The following MRTFB variants were observed in gnomAD, a reference collection of about 807,000 sequenced individuals.
MRTFB encodes myocardin-related transcription factor B.
A neutral mutation model predicts 104.2 loss-of-function variants in MRTFB; 29 were observed. The ratio of observed to expected loss-of-function variants is 0.28; its 90% CI spans 0.21 to 0.38. The LOEUF (loss-of-function observed/expected upper bound fraction) is 0.38, where lower values mean the gene tolerates loss of function less well. MRTFB is among the 10% of genes least tolerant of loss of function. MRTFB has a pLI of 1.00. For synonymous variants in MRTFB, 535 were observed against 519.5 expected (o/e 1.03, Z -0.41); for missense variants, 1,270 against 1,341.6 (o/e 0.95, Z 0.83).
At chr16:14,168,217 A>ATGTGTGTGTGTGTG (rs61205256) in intron 3 of MRTFB, among the ~76,000 whole-genome samples, 202 of 148,110 alleles carry the variant, frequency 1.4e-3, no homozygotes, top group African/African-American at 4.5e-3. Flanking sequence ...TAAAGATAAA[A>ATGTGTGTGTGTGTG]TGTGTGTGTG....
chr16:14,029,445 T>TATATATATATACAC, the MRTFB span, among the ~76,000 whole-genome samples: 8 of 85,958 alleles, frequency 9.3e-5, no homozygotes, highest in Admixed American at 9.9e-4. Context: ...TATATATATA[T>TATATATATATACAC]ACACACACAC....
rs536529960 is a variant in MRTFB at position 14,159,701 on chromosome 16, G to A, written c.154+18941G>A. Among the ~76,000 whole-genome samples the A allele has an allele frequency of 2.1e-3, 324 of 151,834 alleles. 3 individuals carry two copies. The highest frequency in any genetic ancestry group is 7.5e-3 in the African/African-American group (309 of 41,442). On this transcript the variant is annotated intron_variant, in intron 3 of 16. Coordinates refer to ENST00000571589, the MANE Select transcript of MRTFB (RefSeq NM_001308142.2). ...TCCCAGCACTTTGGGAGGCCGAGGC[G>A]GGCGGATCACGAGGTCAGGAGATCG...
rs1200064269 is a variant in MRTFB at position 14,110,283 on chromosome 16, C to G, written c.-63-30261C>G. Among the ~76,000 whole-genome samples, 4 of 152,300 alleles carry G rather than the reference C, an allele frequency of 2.6e-5. No homozygotes were observed. In the East Asian group the frequency reaches 7.7e-4, roughly 29 times the overall value. On this transcript the variant is annotated intron_variant, in intron 2 of 16. Transcript: ENST00000571589. Reference sequence around the variant, plus strand: ...ATGTGCAGAGGCCAAAACCACATGGCTGGTTCCCTGGTAGAGTTTTTGACA... The same window carrying G: ...ATGTGCAGAGGCCAAAACCACATGGGTGGTTCCCTGGTAGAGTTTTTGACA...
chr16:14,094,165 C>T (rs1403512084), intron 2 of MRTFB, among the ~76,000 whole-genome samples: 2 of 152,184 alleles, frequency 1.3e-5, no homozygotes, highest in African/African-American at 4.8e-5. Context: ...GTCCGGCTCA[C>T]TCCTGTTGCA....
chr16:14,145,360 A>C (rs1282472424), intron 3 of MRTFB, among the ~76,000 whole-genome samples: 1 of 152,164 alleles, frequency 6.6e-6, no homozygotes, highest in Non-Finnish European at 1.5e-5. Flanking sequence ...GGAAAAATGG[A>C]GATATTTCAG....
At chr16:14,199,292 G>A (rs1389199292) in intron 3 of MRTFB, among the ~76,000 whole-genome samples, 1 of 152,104 alleles carries the variant, frequency 6.6e-6, no homozygotes, top group East Asian at 1.9e-4. Flanking sequence ...CTGTAACAGG[G>A]CTTCTATTTG....
intron 8 of MRTFB, among the ~76,000 whole-genome samples, chr16:14,232,516 A>C (rs886331293): frequency 6.6e-6 from 1 of 152,162 alleles, no homozygotes; most frequent in East Asian, 1.9e-4. Flanking sequence ...CTTTCCCTTC[A>C]TGTCTGTTTA....
rs2043801778 is a variant in MRTFB, at chr16:14,262,108, A to G, written c.*664A>G. The G allele has an allele frequency of 6.6e-6, 1 of 152,256 alleles. No homozygotes were observed. Among genetic ancestry groups the G allele is most frequent in the Non-Finnish European group, 1.5e-5 (1 of 68,042 alleles). 9.4% of individuals were successfully genotyped at this position (152,256 alleles called of 1,614,324 possible). A position where few individuals can be genotyped will look rare whatever the true frequency, so the allele number is the denominator to read the frequency against. On this transcript the variant is annotated 3_prime_UTR_variant, in exon 17 of 17. Coordinates refer to ENST00000571589, the MANE Select transcript of MRTFB (RefSeq NM_001308142.2). ...AAATTTAAATGCAAGATCTTTCAAC[A>G]TAAACAGAAGATACCTACAAAATAC... is the stretch of plus-strand genomic sequence containing the variant.
intron 3 of MRTFB, among the ~76,000 whole-genome samples, chr16:14,191,471 T>G (rs903652891): frequency 1.3e-5 from 2 of 152,250 alleles, no homozygotes; most frequent in African/African-American, 4.8e-5. Flanking sequence ...TACCATTCTA[T>G]GGCATTTCAC....
At position 14,264,104 on chromosome 16, in the gene MRTFB, G is replaced by A. The variant is rs1195237206; in HGVS notation, c.*2660G>A. On this transcript the variant is annotated 3_prime_UTR_variant, in exon 17 of 17. Coordinates refer to ENST00000571589, the MANE Select transcript of MRTFB (RefSeq NM_001308142.2). ...GGTTGTTGTTGTTGTTTAGGTTAGT[G>A]TCACAGCCATTACAGCACAAGTCAA... 3.3e-5 allele frequency: 5 copies of A among 152,232 alleles called. No individual in the cohort carries two copies. In the South Asian group the frequency reaches 1.0e-3, roughly 31 times the overall value. 9.4% of individuals were successfully genotyped at this position (152,232 alleles called of 1,614,324 possible).
the MRTFB span, among the ~76,000 whole-genome samples, chr16:14,004,293 T>C: frequency 6.6e-6 from 1 of 152,196 alleles, no homozygotes; most frequent in Non-Finnish European, 1.5e-5. Context: ...TGTTCCATGA[T>C]GCCAGGCCCT....
At chr16:14,172,807 G>A (rs1368835434) in intron 3 of MRTFB, among the ~76,000 whole-genome samples, 2 of 152,130 alleles carry the variant, frequency 1.3e-5, no homozygotes, top group African/African-American at 4.8e-5. Context: ...AGAATCTTTT[G>A]GAGGAGGGAA....
chr16:14,173,426 G>A (rs2039485039), intron 3 of MRTFB, among the ~76,000 whole-genome samples: 1 of 152,062 alleles, frequency 6.6e-6, no homozygotes, highest in Non-Finnish European at 1.5e-5. Context: ...TTCTTCCTAA[G>A]AGTTTTTATC....
the MRTFB span, among the ~76,000 whole-genome samples, chr16:14,022,626 A>G: frequency 1.3e-3 from 192 of 152,274 alleles, 1 homozygote; most frequent in African/African-American, 4.4e-3. Context: ...AGATGGTCTC[A>G]ATCTCTTGAC....
At chr16:14,114,374 G>A (rs4781573) in intron 2 of MRTFB, among the ~76,000 whole-genome samples, 20,460 of 152,094 alleles carry the variant, frequency 0.13, 1,940 homozygotes, top group East Asian at 0.29. Flanking sequence ...ATACATGGAA[G>A]GATTATTTTC....
intron 9 of MRTFB, among the ~76,000 whole-genome samples, chr16:14,238,198 C>T (rs1202486879): frequency 6.6e-6 from 1 of 152,142 alleles, no homozygotes; most frequent in Non-Finnish European, 1.5e-5. Context: ...AAGGATGCCA[C>T]TGAACATCCA....
intron 3 of MRTFB, among the ~76,000 whole-genome samples, chr16:14,173,894 T>C (rs1724460151): frequency 6.6e-6 from 1 of 152,186 alleles, no homozygotes; most frequent in South Asian, 2.1e-4. Flanking sequence ...ACAAAACAAC[T>C]ATTTTTTTTA....
chr16:14,084,663 T>C (rs961790401), intron 2 of MRTFB, among the ~76,000 whole-genome samples: 30 of 152,240 alleles, frequency 2.0e-4, no homozygotes, highest in African/African-American at 6.3e-4. Flanking sequence ...GATGATATTA[T>C]TGAGTTATGT....
chr16:14,234,487 A>G (rs1362597409), intron 9 of MRTFB, among the ~76,000 whole-genome samples: 1 of 152,208 alleles, frequency 6.6e-6, no homozygotes, highest in Non-Finnish European at 1.5e-5. Context: ...AATGGCACAA[A>G]TTTTGGTCTA....
Sources: allele counts gnomAD v4.1 joint callset (sites outside exome capture counted in the v4.1 genomes callset), GRCh38; gene constraint gnomAD v4.1.1; transcripts MANE v1.5; gene names NCBI Gene and HGNC (gene_info 2026-07-23, HGNC 2026-07-21).